Variants in MYT1 observed in about 807,000 individuals in gnomAD.
The protein encoded by MYT1 is myelin transcription factor 1.
MYT1 carries 23 observed loss-of-function variants against 123.0 expected under a neutral mutation model. The observed-to-expected ratio is 0.19, with a 90% CI of 0.13 to 0.26. MYT1 has a LOEUF of 0.26. Among genes scored for constraint, MYT1 ranks in the 10% least tolerant of loss-of-function variants. MYT1 has a pLI of 1.00. For synonymous variants in MYT1, 518 were observed against 575.3 expected (o/e 0.90, Z 1.43); for missense variants, 1,125 against 1,472.5 (o/e 0.76, Z 3.86).
In MYT1 at chr20:64,218,780, C is replaced by A. The variant is rs757455445; in HGVS notation, c.1847-131C>A. On this transcript the variant is annotated intron_variant, in intron 11 of 22. Coordinates refer to ENST00000328439, the MANE Select transcript of MYT1 (RefSeq NM_004535.3). The surrounding 1 kb of genome is among the most constrained non-coding windows in gnomAD (Gnocchi z 4.0). Reference sequence around the variant, plus strand: ...CCTCCCCACTGACTTGTCTGCATTGCTGCCTCTTTTCAAGTTGTATATCAG... The same window carrying A: ...CCTCCCCACTGACTTGTCTGCATTGATGCCTCTTTTCAAGTTGTATATCAG... The A allele has an allele frequency of 1.1e-5, 13 of 1,177,144 alleles. No individual in the cohort carries two copies. In the East Asian group the frequency reaches 2.8e-4, roughly 26 times the overall value. The allele number at this position is 1,177,144 out of a possible 1,614,324, so 72.9% of individuals were successfully genotyped here.
intron 6 of MYT1, among the ~76,000 whole-genome samples, chr20:64,206,154 G>T (rs1168573620): frequency 6.6e-6 from 1 of 152,184 alleles, no homozygotes; most frequent in African/African-American, 2.4e-5. Flanking sequence ...AAGTGGGGAA[G>T]GGAGGATCTT....
chr20:64,182,481 G>A (rs996172894), intron 1 of MYT1, among the ~76,000 whole-genome samples: 4 of 152,232 alleles, frequency 2.6e-5, no homozygotes, highest in Non-Finnish European at 2.9e-5. Context: ...AGCTTGGGCC[G>A]TTCTGGGTCC....
chr20:64,206,991 C>T (rs909949355), intron 6 of MYT1, among the ~76,000 whole-genome samples: 3 of 152,204 alleles, frequency 2.0e-5, no homozygotes, highest in Non-Finnish European at 4.4e-5. Flanking sequence ...ACTGCAATCT[C>T]CTCCTCCTTG....
At position 64,196,342 on chromosome 20, in the gene MYT1, C is replaced by T. The variant is rs375790579; in HGVS notation, c.1-2520C>T. Among the ~76,000 whole-genome samples the T allele has an allele frequency of 3.3e-5, 5 of 152,214 alleles. No homozygotes were observed. The highest frequency in any genetic ancestry group is 4.1e-4 in the South Asian group (2 of 4,826). ...TGGGCACAGGGCCGCCCCCAGCACC[C>T]GCTCTCCATCTACCACATCGTGGTG... is the stretch of plus-strand genomic sequence containing the variant. On this transcript the variant is annotated intron_variant, in intron 2 of 22. Transcript: ENST00000328439. The surrounding 1 kb of genome is among the most constrained non-coding windows in gnomAD (Gnocchi z 4.3).
In MYT1 at chr20:64,205,064, G is replaced by A; in HGVS notation, c.116G>A (p.Gly39Glu). The change falls in exon 5 of 23, where the codon GGG becomes GAG. Residue 39 changes from glycine to glutamate, a missense_variant. By Grantham distance (98) the Gly-to-Glu change is moderately conservative. Around this residue, in one of 4 missense-constraint regions of MYT1, gnomAD observed 406 missense variants for 432.2 expected, o/e 0.94. Coordinates refer to ENST00000328439, the MANE Select transcript of MYT1 (RefSeq NM_004535.3). Reference protein sequence around the residue: ...SCPTPGCTGSGHVRGKYSRHR... With the variant: ...SCPTPGCTGSEHVRGKYSRHR... ...CCCACCCCAGGATGCACAGGCTCAG[G>A]GCACGTCCGGGGCAAGTACTCCAGG... The A allele has an allele frequency of 6.2e-7, 1 of 1,614,008 alleles. No individual in the cohort carries two copies. Among genetic ancestry groups the A allele is most frequent in the South Asian group, 1.1e-5 (1 of 91,080 alleles).
intron 18 of MYT1, among the ~76,000 whole-genome samples, chr20:64,230,448 G>A (rs949425336): frequency 1.3e-5 from 2 of 152,252 alleles, no homozygotes; most frequent in African/African-American, 4.8e-5. Flanking sequence ...GGGAGGCGGA[G>A]GTTGCAGTGA....
rs1392635084 is a variant in MYT1, at chr20:64,168,869, C to T, written c.-99+4130C>T. The stretch of plus-strand genomic sequence containing the variant: ...GGTGAGCACTGGGGATCTGGATGCT[C>T]GGGAGGAAAGGTGGAGGCACCATAT... On this transcript the variant is annotated intron_variant, in intron 1 of 22. Transcript: ENST00000328439. The surrounding 1 kb of genome is among the most constrained non-coding windows in gnomAD (Gnocchi z 6.1). 1.3e-5 allele frequency among the ~76,000 whole-genome samples: 2 copies of T among 152,046 alleles called. No individual in the cohort carries two copies. Among genetic ancestry groups the T allele is most frequent in the South Asian group, 2.1e-4 (1 of 4,830 alleles).
chr20:64,219,081 T>C (rs1258981121), intron 12 of MYT1, 46 bp downstream of exon 12: 1 of 1,565,068 alleles, frequency 6.4e-7, no homozygotes, highest in Admixed American at 1.8e-5. Flanking sequence ...GGTGAGTTGG[T>C]GGAATTTGCA....
In MYT1 at chr20:64,234,822, A is replaced by AC. The variant is rs1163128518; in HGVS notation, c.2898-1729dup. Among the ~76,000 whole-genome samples the AC allele has an allele frequency of 4.6e-5, 6 of 130,972 alleles. No individual in the cohort carries two copies. The East Asian group carries it at 1.5e-3, about 32-fold the overall frequency. 85.9% of individuals were successfully genotyped at this position (130,972 alleles called of 152,430 possible). On this transcript the variant is annotated intron_variant, in intron 19 of 22. Coordinates refer to ENST00000328439, the MANE Select transcript of MYT1 (RefSeq NM_004535.3). ...GACCCGGGGCTGGCCATGGTGGGTG[A>AC]CCCCGAGCTGGCTGTGGTGGGTGAC...
At position 64,239,810 on chromosome 20, in the gene MYT1, C is replaced by A. The variant is rs1984659154; in HGVS notation, c.3144C>A (p.Leu1048=). The change falls in exon 22 of 23, where the codon CTC becomes CTA. Residue 1048 remains leucine (L), a synonymous_variant. Coordinates refer to ENST00000328439, the MANE Select transcript of MYT1 (RefSeq NM_004535.3). Reference sequence around the variant, plus strand: ...AGAACATCGAGGAGGAGAACAAGCTCATTGAGGAGCAGAATGAAGCCCTGT... The same window carrying A: ...AGAACATCGAGGAGGAGAACAAGCTAATTGAGGAGCAGAATGAAGCCCTGT... ...NLKNIEEENK[L]IEEQNEALFL... The A allele has an allele frequency of 6.2e-7, 1 of 1,613,890 alleles. No individual in the cohort carries two copies. Among genetic ancestry groups the A allele is most frequent in the Non-Finnish European group, 8.5e-7 (1 of 1,180,030 alleles).
Position 64,219,871 on chromosome 20 carries a change from C to T in MYT1, c.2130C>T (p.Pro710=), listed in dbSNP as rs374089209. ...ASQRHSSTSA[P]SSSMTSPQSS... ...AGCGCCACAGCAGCACCAGCGCCCC[C>T]AGCAGCTCCATGACCTCTCCCCAGT... Residue 710 remains proline (P), a synonymous_variant, in exon 13 of 23, where the codon CCC becomes CCT. Coordinates refer to ENST00000328439, the MANE Select transcript of MYT1 (RefSeq NM_004535.3). The T allele has an allele frequency of 1.1e-5, 17 of 1,594,758 alleles. No individual in the cohort carries two copies. In the African/African-American group the frequency reaches 1.1e-4, roughly 10 times the overall value.
In MYT1 at chr20:64,207,789, T is replaced by C; in HGVS notation, c.593T>C (p.Leu198Pro). 1 of 1,613,808 alleles carries C rather than the reference T, an allele frequency of 6.2e-7. No individual in the cohort carries two copies. Among genetic ancestry groups the C allele is most frequent in the Non-Finnish European group, 8.5e-7 (1 of 1,179,952 alleles). ...AKPGPGIVHL[L>P]QEAAEGAASE... Reference sequence around the variant, plus strand: ...CCAGGTCCTGGCATTGTGCACCTGCTTCAGGAGGCTGCAGAGGGAGCTGCC... The same window carrying C: ...CCAGGTCCTGGCATTGTGCACCTGCCTCAGGAGGCTGCAGAGGGAGCTGCC... Residue 198 changes from leucine to proline, a missense_variant, in exon 7 of 23, where the codon CTT becomes CCT. Transcript: ENST00000328439.
At chr20:64,223,196 T>C (rs1487219398) in intron 15 of MYT1, 23 bp downstream of exon 15, 1 of 1,614,172 alleles carries the variant, frequency 6.2e-7, no homozygotes, top group Non-Finnish European at 8.5e-7. Context: ...CTCGGGTCCG[T>C]CTGGCCTGGG....
chr20:64,196,328 C>A lies in MYT1; in HGVS notation c.1-2534C>A, dbSNP rs1173488191. Among the ~76,000 whole-genome samples the A allele has an allele frequency of 6.6e-6, 1 of 152,244 alleles. No individual in the cohort carries two copies. The highest frequency in any genetic ancestry group is 1.5e-5 in the Non-Finnish European group (1 of 68,048). The stretch of plus-strand genomic sequence containing the variant: ...AGCCTGGGTGGTGCTGGGCACAGGG[C>A]CGCCCCCAGCACCCGCTCTCCATCT... On this transcript the variant is annotated intron_variant, in intron 2 of 22. Transcript: ENST00000328439. This position sits in a 1 kb window ranked among gnomAD's most constrained non-coding sequence, Gnocchi z 4.3.
At chr20:64,210,394 G>T (rs1201617268) in intron 7 of MYT1, among the ~76,000 whole-genome samples, 1 of 152,270 alleles carries the variant, frequency 6.6e-6, no homozygotes, top group Non-Finnish European at 1.5e-5. Flanking sequence ...GTGGGACAGG[G>T]GTGGCAAGCC....
Position 64,227,940 on chromosome 20 carries a change from A to T in MYT1, c.2644A>T (p.Lys882Ter). 1 of 1,614,100 alleles carries T rather than the reference A, an allele frequency of 6.2e-7. No homozygotes were observed. Among genetic ancestry groups the T allele is most frequent in the Non-Finnish European group, 8.5e-7 (1 of 1,179,986 alleles). The change falls in exon 18 of 23, where the codon AAG becomes TAG. Residue 882 changes from lysine (K) to a stop codon, truncating the protein, a stop_gained. Coordinates refer to ENST00000328439, the MANE Select transcript of MYT1 (RefSeq NM_004535.3). LOFTEE classifies it high-confidence loss of function. ...AAGTGGAGTCAAGGTGGCACCCACC[A>T]AGGACGACAAGGAGGACCCCGAGCT... ...KKSGVKVAPT[K>*]DDKEDPELMK...
chr20:64,240,618 C>T lies in MYT1; in HGVS notation c.*170C>T. The T allele has an allele frequency of 1.1e-6, 1 of 876,578 alleles. No individual in the cohort carries two copies. Among genetic ancestry groups the T allele is most frequent in the Non-Finnish European group, 1.7e-6 (1 of 597,976 alleles). The allele number at this position is 876,578 out of a possible 1,614,324, so 54.3% of individuals were successfully genotyped here. ...GGAAATTGGCCGCTCCCACGAGGCT[C>T]CCTCCAGGCTTGGGGCCGTGGTGGC... On this transcript the variant is annotated 3_prime_UTR_variant, in exon 23 of 23. Transcript: ENST00000328439.
At position 64,232,126 on chromosome 20, in the gene MYT1, C is replaced by T. The variant is rs779147805; in HGVS notation, c.2676-38C>T. On this transcript the variant is annotated intron_variant, in intron 18 of 22. Transcript: ENST00000328439. This position sits in a 1 kb window ranked among gnomAD's most constrained non-coding sequence, Gnocchi z 6.9. The stretch of plus-strand genomic sequence containing the variant: ...AGTCTCCAGGCTTCTCCTCCCAACC[C>T]TTCGCCCCTGTACTCACCCCGGCCT... The T allele has an allele frequency of 6.2e-6, 10 of 1,602,230 alleles. 1 individual carries two copies. In the East Asian group the frequency reaches 1.8e-4, roughly 29 times the overall value.
chr20:64,182,166 T>G (rs571254932), intron 1 of MYT1, among the ~76,000 whole-genome samples: 6 of 152,360 alleles, frequency 3.9e-5, no homozygotes, highest in African/African-American at 1.4e-4. Context: ...TTTTTTGTTT[T>G]TTGTTTTTTT....
Sources: gnomAD v4.1 joint callset for allele counts (sites outside exome capture counted in the v4.1 genomes callset) on GRCh38, gnomAD v4.1.1 for gene constraint, gnomAD v4.1.1 regional missense constraint, Gnocchi (gnomAD v3.1) non-coding constraint, MANE v1.5 for transcripts, NCBI Gene and HGNC (gene_info 2026-07-23, HGNC 2026-07-21) for gene names.